Variants in DLG2 observed in about 807,000 individuals in gnomAD.
DLG2 encodes the protein discs large MAGUK scaffold protein 2.
DLG2 carries 45 observed loss-of-function variants against 132.5 expected under a neutral mutation model. The ratio of observed to expected loss-of-function variants is 0.34; its 90% confidence interval spans 0.27 to 0.44. The LOEUF (loss-of-function observed/expected upper bound fraction) is 0.44, where lower values mean the gene tolerates loss of function less well. DLG2 is among the 20% of genes least tolerant of loss of function. The pLI, the probability that DLG2 is intolerant of heterozygous loss-of-function variation, is 1.00. For synonymous variants in DLG2, 424 were observed against 419.6 expected, an observed-to-expected ratio of 1.01 and a Z score of -0.13; for missense variants, 1,045 against 1,196.9, an observed-to-expected ratio of 0.87 and a Z score of 1.87.
chr11:83,861,085 T>C (rs988814231), intron 16 of DLG2, among the ~76,000 whole-genome samples: 9 of 152,154 alleles, frequency 5.9e-5, no homozygotes, highest in African/African-American at 2.2e-4. Flanking sequence ...CACTAATATA[T>C]GCCATGAATT....
intron 3 of DLG2, among the ~76,000 whole-genome samples, chr11:85,416,517 G>A (rs1051204674): frequency 2.6e-4 from 40 of 151,978 alleles, no homozygotes; most frequent in African/African-American, 9.7e-4. Flanking sequence ...CATTGAATCT[G>A]TAAGTAACTT....
At chr11:83,485,151 TTTAAC>T (rs1386961306) in intron 21 of DLG2, among the ~76,000 whole-genome samples, 5 of 152,284 alleles carry the variant, frequency 3.3e-5, no homozygotes, top group East Asian at 3.9e-4. Flanking sequence ...CTTTAAAAAT[TTTAAC>T]TAAACTATTC....
intron 11 of DLG2, among the ~76,000 whole-genome samples, chr11:84,019,157 T>C (rs1305389921): frequency 6.6e-6 from 1 of 152,088 alleles, no homozygotes; most frequent in Non-Finnish European, 1.5e-5. Flanking sequence ...TGTGTTTTAT[T>C]GAATAACAAA....
At chr11:83,974,518 C>G (rs1342396589) in intron 12 of DLG2, among the ~76,000 whole-genome samples, 5 of 151,928 alleles carry the variant, frequency 3.3e-5, no homozygotes, top group Non-Finnish European at 7.4e-5. Context: ...ATTTGTTAAT[C>G]AAAATCAAAT....
At chr11:85,205,146 G>GTATATATATATATATATATATATATATA (rs376041155) in intron 4 of DLG2, among the ~76,000 whole-genome samples, 1 of 141,702 alleles carries the variant, frequency 7.1e-6, no homozygotes, top group Non-Finnish European at 1.5e-5. Flanking sequence ...ATATGTGTGT[G>GTATATATATATATATATATATATATATA]TATATATATA....
At chr11:84,864,652 G>A (rs1170659595) in intron 6 of DLG2, among the ~76,000 whole-genome samples, 2 of 152,120 alleles carry the variant, frequency 1.3e-5, no homozygotes, top group Admixed American at 6.6e-5. Flanking sequence ...ACAAACATAT[G>A]TATAATATTC....
At chr11:84,040,165 T>G (rs944353749) in intron 11 of DLG2, among the ~76,000 whole-genome samples, 3 of 150,650 alleles carry the variant, frequency 2.0e-5, no homozygotes, top group South Asian at 2.1e-4. Context: ...TCCCATTTTG[T>G]AGGTTGCCTG....
intron 2 of DLG2, among the ~76,000 whole-genome samples, chr11:85,605,281 T>C (rs1331489711): frequency 6.6e-6 from 1 of 152,186 alleles, no homozygotes; most frequent in African/African-American, 2.4e-5. Context: ...ATTCCAAGTA[T>C]AGTGTTCTCT....
chr11:84,639,515 G>A (rs982118630), intron 6 of DLG2, among the ~76,000 whole-genome samples: 4 of 152,086 alleles, frequency 2.6e-5, no homozygotes, highest in Non-Finnish European at 5.9e-5. Context: ...TTGACCTCAA[G>A]CCTTGTAAAT....
intron 17 of DLG2, among the ~76,000 whole-genome samples, chr11:83,832,173 A>G (rs1464565012): frequency 3.3e-5 from 5 of 152,184 alleles, no homozygotes; most frequent in African/African-American, 1.2e-4. Context: ...CCATTGAACA[A>G]TGTGTGCCTA....
chr11:85,616,851 A>T (rs1267387146), intron 2 of DLG2, among the ~76,000 whole-genome samples: 1 of 152,212 alleles, frequency 6.6e-6, no homozygotes, highest in Non-Finnish European at 1.5e-5. Context: ...AAACACAGAC[A>T]TTCTAGAAAA....
intron 3 of DLG2, among the ~76,000 whole-genome samples, chr11:85,391,858 T>C (rs966855206): frequency 6.6e-6 from 1 of 152,060 alleles, no homozygotes; most frequent in Non-Finnish European, 1.5e-5. Context: ...GTTGAAAGCA[T>C]CCCTGCTGAG....
intron 7 of DLG2, among the ~76,000 whole-genome samples, chr11:84,408,024 G>A (rs1448716537): frequency 6.6e-6 from 1 of 152,158 alleles, no homozygotes; most frequent in Non-Finnish European, 1.5e-5. Context: ...GGACCTAGAT[G>A]TATGTGAAGA....
At chr11:84,466,868 A>C (rs1351867680) in intron 7 of DLG2, among the ~76,000 whole-genome samples, 1 of 151,454 alleles carries the variant, frequency 6.6e-6, no homozygotes, top group Non-Finnish European at 1.5e-5. Context: ...ATAAGTAAAA[A>C]TACTAAGAAA....
intron 21 of DLG2, among the ~76,000 whole-genome samples, chr11:83,498,669 C>T (rs1802477876): frequency 9.7e-6 from 1 of 103,532 alleles, no homozygotes; most frequent in Non-Finnish European, 2.0e-5. Flanking sequence ...AAACCTAAAG[C>T]AAGGAGAAAA....
intron 6 of DLG2, among the ~76,000 whole-genome samples, chr11:84,543,081 G>C (rs1245313600): frequency 6.6e-6 from 1 of 152,038 alleles, no homozygotes; most frequent in South Asian, 2.1e-4. Flanking sequence ...GGGTAAAAAA[G>C]AAAACAAGAG....
intron 8 of DLG2, among the ~76,000 whole-genome samples, chr11:84,216,453 T>A (rs2154318211): frequency 6.6e-6 from 1 of 152,316 alleles, no homozygotes; most frequent in South Asian, 2.1e-4. Flanking sequence ...ATAATAGGAA[T>A]CTTTAAGCCT....
rs1181847905 is a variant in DLG2 at position 84,968,084 on chromosome 11, T to C, written c.357+143577A>G. ...ATATGAATAGAAGTTTATAAAACTT[T>C]ATTTATAATAACCAAATGTAAATAT... On this transcript the variant is annotated intron_variant, in intron 6 of 27. Transcript: ENST00000376104. 2.0e-5 allele frequency among the ~76,000 whole-genome samples: 3 copies of C among 152,174 alleles called. No homozygotes were observed. In the East Asian group the frequency reaches 5.8e-4, roughly 29 times the overall value.
At chr11:84,273,641 T>C (rs1262557114) in intron 7 of DLG2, among the ~76,000 whole-genome samples, 2 of 152,096 alleles carry the variant, frequency 1.3e-5, no homozygotes, top group African/African-American at 2.4e-5. Context: ...CAGGTCATGG[T>C]GGTGGAATTT....
Sources: gnomAD v4.1 joint callset for allele counts (sites outside exome capture counted in the v4.1 genomes callset) on GRCh38, gnomAD v4.1.1 for gene constraint, MANE v1.5 for transcripts, NCBI Gene and HGNC (gene_info 2026-07-23, HGNC 2026-07-21) for gene names.